The following PRKG1 variants were observed in gnomAD, a reference collection of about 807,000 sequenced individuals.
PRKG1 encodes cGMP-dependent protein kinase 1.
Under a neutral mutation model 88.1 loss-of-function variants are expected in PRKG1, and 35 were observed. The observed-to-expected ratio is 0.40, with a 90% CI of 0.30 to 0.53. The LOEUF is 0.53. PRKG1 is among the 20% of genes least tolerant of loss of function. PRKG1 has a pLI of 0.59. For missense variants in PRKG1, 540 were observed against 839.8 expected (o/e 0.64, Z 4.41); for synonymous variants, 303 against 292.5 (o/e 1.04, Z -0.37).
intron 2 of PRKG1, among the ~76,000 whole-genome samples, chr10:51,462,125 CA>C (rs1352672071): frequency 6.6e-6 from 1 of 152,152 alleles, no homozygotes; most frequent in Non-Finnish European, 1.5e-5. Context: ...CTCCAACCTA[CA>C]AAATCATGAA....
chr10:51,480,791 A>G (rs1343954494), intron 3 of PRKG1, among the ~76,000 whole-genome samples: 1 of 152,152 alleles, frequency 6.6e-6, no homozygotes, highest in African/African-American at 2.4e-5. Flanking sequence ...TGGCCTTAAA[A>G]TTTTCTAAAT....
At chr10:51,886,345 A>G (rs1841568366) in intron 4 of PRKG1, among the ~76,000 whole-genome samples, 1 of 152,142 alleles carries the variant, frequency 6.6e-6, no homozygotes, top group Non-Finnish European at 1.5e-5. Context: ...TTTAAACATC[A>G]TCATTGGCAC....
At chr10:52,240,659 TTTGA>T (rs913435804) in intron 9 of PRKG1, among the ~76,000 whole-genome samples, 2 of 152,158 alleles carry the variant, frequency 1.3e-5, no homozygotes, top group Non-Finnish European at 2.9e-5. Context: ...ACTTAATTCA[TTTGA>T]TTAACGCACC....
At chr10:52,026,278 A>G (rs1472498819) in intron 5 of PRKG1, among the ~76,000 whole-genome samples, 2 of 152,220 alleles carry the variant, frequency 1.3e-5, no homozygotes, top group African/African-American at 4.8e-5. Flanking sequence ...ATGTTTGATA[A>G]TTGAGAAATG....
chr10:51,899,292 A>T (rs1279634923), intron 4 of PRKG1, among the ~76,000 whole-genome samples: 1 of 152,164 alleles, frequency 6.6e-6, no homozygotes, highest in African/African-American at 2.4e-5. Context: ...ATTCATTTGG[A>T]AACCTCAATA....
intron 5 of PRKG1, among the ~76,000 whole-genome samples, chr10:52,015,625 T>C (rs1360591092): frequency 6.6e-6 from 1 of 152,254 alleles, no homozygotes; most frequent in Non-Finnish European, 1.5e-5. Context: ...TAGGTTTTTC[T>C]TTTCTATTAC....
intron 2 of PRKG1, among the ~76,000 whole-genome samples, chr10:51,368,768 C>G (rs1393215069): frequency 6.6e-6 from 1 of 152,036 alleles, no homozygotes; most frequent in Non-Finnish European, 1.5e-5. Flanking sequence ...CAATCAAAAT[C>G]GTTTTGCCAC....
intron 3 of PRKG1, among the ~76,000 whole-genome samples, chr10:51,533,969 C>T (rs7342004): frequency 0.81 from 123,388 of 152,154 alleles, 50,604 homozygotes; most frequent in East Asian, 0.98. Context: ...TCCAAAGTCA[C>T]AAAGCTACGG....
intron 3 of PRKG1, among the ~76,000 whole-genome samples, chr10:51,505,806 C>T (rs193033671): frequency 1.2e-3 from 182 of 152,190 alleles, no homozygotes; most frequent in African/African-American, 4.3e-3. Context: ...TCTGTGGGAT[C>T]GGTAGTGATA....
chr10:52,137,239 C>T (rs1837453071), intron 8 of PRKG1, among the ~76,000 whole-genome samples: 1 of 152,004 alleles, frequency 6.6e-6, no homozygotes, highest in African/African-American at 2.4e-5. Context: ...ATGTCATTGA[C>T]AAACCAGAAG....
At chr10:51,751,483 C>T (rs1837724658) in intron 3 of PRKG1, among the ~76,000 whole-genome samples, 1 of 152,158 alleles carries the variant, frequency 6.6e-6, no homozygotes, top group Non-Finnish European at 1.5e-5. Flanking sequence ...CTGCATCTGC[C>T]TCCTAAAGTG....
chr10:51,316,542 C>A (rs966616375), intron 2 of PRKG1, among the ~76,000 whole-genome samples: 3 of 151,982 alleles, frequency 2.0e-5, no homozygotes, highest in African/African-American at 4.8e-5. Context: ...ATTAGCCAGG[C>A]CTGATGGCGG....
In PRKG1 at chr10:52,163,100, C is replaced by T. The variant is rs200324268; in HGVS notation, c.1076+1137C>T. ...TGGGAAAGGGGGTCATTTAAGGTAC[C>T]TTATCAGTTTTTAAAGTTGTACAAT... is the stretch of plus-strand genomic sequence containing the variant. On this transcript the variant is annotated intron_variant, in intron 9 of 17. Coordinates refer to ENST00000373980, the MANE Select transcript of PRKG1 (RefSeq NM_006258.4). Among the ~76,000 whole-genome samples, 6 of 149,478 alleles carry T rather than the reference C, an allele frequency of 4.0e-5. No homozygotes were observed. In the East Asian group the frequency reaches 1.0e-3, roughly 26 times the overall value.
intron 3 of PRKG1, among the ~76,000 whole-genome samples, chr10:51,774,858 G>T (rs1489961812): frequency 6.6e-6 from 1 of 152,036 alleles, no homozygotes; most frequent in Non-Finnish European, 1.5e-5. Flanking sequence ...ATAAATTAAT[G>T]TGCAAATGGA....
intron 3 of PRKG1, among the ~76,000 whole-genome samples, chr10:51,702,431 T>A (rs1027750019): frequency 1.3e-5 from 2 of 152,146 alleles, no homozygotes; most frequent in Admixed American, 6.5e-5. Flanking sequence ...CCAGTACATA[T>A]TTTTTTATAG....
intron 7 of PRKG1, among the ~76,000 whole-genome samples, chr10:52,090,511 A>G (rs963817508): frequency 4.1e-5 from 6 of 147,460 alleles, no homozygotes; most frequent in African/African-American, 1.0e-4. Flanking sequence ...GAAATAAGGG[A>G]AATAGAAAAT....
chr10:51,297,425 TTATC>T (rs1840748937), intron 2 of PRKG1, among the ~76,000 whole-genome samples: 1 of 152,046 alleles, frequency 6.6e-6, no homozygotes, highest in Non-Finnish European at 1.5e-5. Context: ...TGCTACTGGT[TTATC>T]TTTTTTCCTT....
chr10:52,055,734 G>A (rs970176522), intron 6 of PRKG1, among the ~76,000 whole-genome samples: 5 of 152,118 alleles, frequency 3.3e-5, no homozygotes, highest in Non-Finnish European at 7.4e-5. Context: ...AAGGAAATGC[G>A]AATAGAAAGG....
intron 5 of PRKG1, among the ~76,000 whole-genome samples, chr10:52,037,349 A>T (rs1460207375): frequency 6.6e-6 from 1 of 152,044 alleles, no homozygotes; most frequent in Non-Finnish European, 1.5e-5. Flanking sequence ...GAATTGCAAC[A>T]TTTTTCTATT....
Sources: allele counts gnomAD v4.1 joint callset (sites outside exome capture counted in the v4.1 genomes callset), GRCh38; gene constraint gnomAD v4.1.1; transcripts MANE v1.5; gene names NCBI Gene and HGNC (gene_info 2026-07-23, HGNC 2026-07-21).